Variants in IDUA observed in about 807,000 individuals in gnomAD.
IDUA encodes alpha-L-iduronidase.
IDUA carries 65 observed loss-of-function variants against 68.9 expected under a neutral mutation model. The observed-to-expected ratio is 0.94, with a 90% CI of 0.77 to 1.16. The LOEUF is 1.16. IDUA is among the 50% of genes most tolerant of loss of function. The pLI is 0.00. For missense variants in IDUA, 1,046 were observed against 938.0 expected (o/e 1.12, Z -1.50); for synonymous variants, 529 against 433.6 (o/e 1.22, Z -2.73).
intron 10 of IDUA, 39 bp from the exon 11 acceptor site, chr4:1,003,306 C>T: frequency 7.1e-7 from 1 of 1,406,244 alleles, no homozygotes; most frequent in Non-Finnish European, 9.2e-7. Flanking sequence ...GCGTCCCCAG[C>T]TCCCCTGGAG....
rs1188900288 is a variant in IDUA at position 1,002,845 on chromosome 4, C to T, written c.1303C>T (p.Arg435Cys). The change falls in exon 9 of 14, where the codon CGC becomes TGC. Residue 435 changes from arginine to cysteine, a missense_variant. Transcript: ENST00000514224. The stretch of plus-strand genomic sequence containing the variant: ...CCCCCAGGGCCCGGCCGACGCCTGG[C>T]GCGCCGCGGTGCTGATCTACGCGAG... Reference protein sequence around the residue: ...HRPQGPADAWRAAVLIYASDD... With the variant: ...HRPQGPADAWCAAVLIYASDD... 1 of 1,453,266 alleles carries T rather than the reference C, an allele frequency of 6.9e-7. No homozygotes were observed. The allele number at this position is 1,453,266 out of a possible 1,614,324, so 90.0% of individuals were successfully genotyped here.
Position 1,004,225 on chromosome 4 carries a change from G to A in IDUA, c.1829-35G>A. On this transcript the variant is annotated intron_variant, in intron 13 of 13. Transcript: ENST00000514224. This position sits in a 1 kb window ranked among gnomAD's most constrained non-coding sequence, Gnocchi z 5.0. ...GTCAGGGGGCTTTCGGGTGGGGGCA[G>A]GTTCCGGTTGGCACACATGTCCCCT... The A allele has an allele frequency of 6.2e-7, 1 of 1,609,644 alleles. No individual in the cohort carries two copies. Among genetic ancestry groups the A allele is most frequent in the South Asian group, 1.1e-5 (1 of 91,074 alleles).
intron 2 of IDUA, chr4:989,326 C>G: frequency 1.2e-6 from 2 of 1,608,798 alleles, no homozygotes; most frequent in African/African-American, 1.3e-5. Context: ...GCGGAACACC[C>G]GCACGCCGGG....
chr4:989,988 C>T lies in IDUA; in HGVS notation c.299+2039C>T, dbSNP rs753977507. On this transcript the variant is annotated intron_variant, in intron 2 of 13. Coordinates refer to ENST00000514224, the MANE Select transcript of IDUA (RefSeq NM_000203.5). The stretch of plus-strand genomic sequence containing the variant: ...CCGTGGGGATGTCGCCAGCCACGCT[C>T]GAGCCAAAGCGCTTGTGGAGCTGCC... 35 of 1,561,456 alleles carry T rather than the reference C, an allele frequency of 2.2e-5. No individual in the cohort carries two copies. Among genetic ancestry groups the T allele is most frequent in the Middle Eastern group, 1.7e-4 (1 of 6,018 alleles).
Position 1,002,376 on chromosome 4 carries a change from C to G in IDUA, c.1080C>G (p.Phe360Leu), listed in dbSNP as rs1715144134. ...TCCTGAGCTACCACCCGCACCCCTT[C>G]GCGCAGCGCACGCTCACCGCGCGCT... ...NAFLSYHPHP[F>L]AQRTLTARFQ... Residue 360 changes from phenylalanine to leucine, a missense_variant, in exon 8 of 14, where the codon TTC (phenylalanine) becomes TTG (leucine). Physicochemically the swap from Phe to Leu is conservative, Grantham distance 22 (BLOSUM62 0). Coordinates refer to ENST00000514224, the MANE Select transcript of IDUA (RefSeq NM_000203.5). The G allele has an allele frequency of 6.2e-7, 1 of 1,611,810 alleles. No individual in the cohort carries two copies.
In IDUA at chr4:1,002,377, G is replaced by A. The variant is rs6831280; in HGVS notation, c.1081G>A (p.Ala361Thr). 260,513 of 1,611,054 alleles carry A rather than the reference G, an allele frequency of 0.16. 22,735 individuals are homozygous for A. The highest frequency in any genetic ancestry group is 0.3 in the South Asian group (27,037 of 90,842). The stretch of plus-strand genomic sequence containing the variant: ...CCTGAGCTACCACCCGCACCCCTTC[G>A]CGCAGCGCACGCTCACCGCGCGCTT... Reference protein sequence around the residue: ...AFLSYHPHPFAQRTLTARFQV... With the variant: ...AFLSYHPHPFTQRTLTARFQV... The change falls in exon 8 of 14, where the codon GCG becomes ACG. Residue 361 changes from alanine (A) to threonine (T), a missense_variant. By Grantham distance (58) the Ala-to-Thr change is moderately conservative (BLOSUM62 0). Coordinates refer to ENST00000514224, the MANE Select transcript of IDUA (RefSeq NM_000203.5).
intron 1 of IDUA, 128 bp downstream of exon 1, chr4:987,370 G>GC: frequency 8.4e-6 from 8 of 957,276 alleles, no homozygotes; most frequent in South Asian, 3.5e-5. Flanking sequence ...TCCCGGGCCC[G>GC]CCCCCCGCCG....
chr4:1,003,346 A>G lies in IDUA; in HGVS notation c.1526A>G (p.Asp509Gly). The G allele has an allele frequency of 6.9e-7, 1 of 1,456,236 alleles. No homozygotes were observed. The highest frequency in any genetic ancestry group is 9.0e-7 in the Non-Finnish European group (1 of 1,113,738). The allele number at this position is 1,456,236 out of a possible 1,614,324, so 90.2% of individuals were successfully genotyped here. ...CTGAGGACCGGCCACTGCGCCCAGG[A>G]CCCGGTGGCCGCGGCGCCCCGCCCC... ...EQFRRMRAAE[D>G]PVAAAPRPLP... Residue 509 changes from aspartate to glycine, a missense_variant and splice_region_variant, in exon 11 of 14, where the codon GAC becomes GGC. Asp to Gly is a moderately conservative substitution (Grantham distance 94). Transcript: ENST00000514224.
Position 1,000,633 on chromosome 4 carries a change from G to A in IDUA, c.321G>A (p.Leu107=). ...GCAGGGGGTCCACTGGACGGGGCCT[G>A]AGCTACAACTTCACCCACCTGGACG... ...VTTRGSTGRG[L]SYNFTHLDGY... is the part of the protein sequence containing the mutation. The change falls in exon 3 of 14, where the codon CTG becomes CTA. Residue 107 remains leucine, a synonymous_variant. Coordinates refer to ENST00000514224, the MANE Select transcript of IDUA (RefSeq NM_000203.5). The A allele has an allele frequency of 6.2e-7, 1 of 1,612,774 alleles. No homozygotes were observed. Among genetic ancestry groups the A allele is most frequent in the South Asian group, 1.1e-5 (1 of 91,076 alleles).
chr4:1,002,213 G>A (rs1363182930), intron 7 of IDUA, 52 bp downstream of exon 7: 14 of 1,573,290 alleles, frequency 8.9e-6, no homozygotes, highest in African/African-American at 4.1e-5. Flanking sequence ...CTCCCGAGAC[G>A]GGACAGGCGA....
intron 2 of IDUA, chr4:989,951 G>T: frequency 1.3e-6 from 2 of 1,556,310 alleles, no homozygotes; most frequent in Non-Finnish European, 1.7e-6. Flanking sequence ...GGGACCTGAG[G>T]GGGCATGAAA....
intron 2 of IDUA, chr4:991,790 G>A (rs545058655): frequency 1.3e-6 from 2 of 1,530,958 alleles, no homozygotes; most frequent in African/African-American, 2.7e-5. Context: ...AAACGACAAG[G>A]TCCCCGGCAG....
rs778690293 is a variant in IDUA, at chr4:1,001,662, G to T, written c.590-17G>T. On this transcript the variant is annotated splice_polypyrimidine_tract_variant and intron_variant, in intron 5 of 13. Transcript: ENST00000514224. Reference sequence around the variant, plus strand: ...CATCCCCAGGGCAGGTGTAGACGCAGTGCTCCCCCGGCCCAGGCTTCCTGA... The same window carrying T: ...CATCCCCAGGGCAGGTGTAGACGCATTGCTCCCCCGGCCCAGGCTTCCTGA... 1 of 1,603,876 alleles carries T rather than the reference G, an allele frequency of 6.2e-7. No homozygotes were observed. The highest frequency in any genetic ancestry group is 2.2e-5 in the East Asian group (1 of 44,796).
At chr4:989,075 G>C in intron 2 of IDUA, 1 of 1,593,546 alleles carries the variant, frequency 6.3e-7, no homozygotes, top group Non-Finnish European at 8.5e-7. Flanking sequence ...GCTGCGTCTA[G>C]GAACAGCAGC....
intron 2 of IDUA, among the ~76,000 whole-genome samples, chr4:994,167 C>T (rs866111686): frequency 3.9e-5 from 6 of 152,156 alleles, no homozygotes; most frequent in Admixed American, 6.5e-5. Context: ...TAGCCAGGCA[C>T]GATGGTTCAC....
intron 2 of IDUA, among the ~76,000 whole-genome samples, chr4:994,349 C>G (rs1478148863): frequency 2.6e-5 from 4 of 151,232 alleles, no homozygotes; most frequent in Admixed American, 6.6e-5. Flanking sequence ...GATCTCGGCT[C>G]ACTGGAAGCT....
intron 2 of IDUA, chr4:988,713 G>A: frequency 1.2e-5 from 17 of 1,418,866 alleles, no homozygotes; most frequent in Non-Finnish European, 1.5e-5. Flanking sequence ...CAGGGCAGCT[G>A]TGGCACAAGA....
Position 989,195 on chromosome 4 carries a change from C to A in IDUA, c.299+1246C>A, listed in dbSNP as rs746086793. The A allele has an allele frequency of 3.1e-6, 5 of 1,607,514 alleles. No individual in the cohort carries two copies. In the South Asian group the frequency reaches 4.4e-5, roughly 14 times the overall value. On this transcript the variant is annotated intron_variant, in intron 2 of 13. Coordinates refer to ENST00000514224, the MANE Select transcript of IDUA (RefSeq NM_000203.5). ...CCCTGGGCAGGGCCTCCCTCACCGA[C>A]CCCCGTCTCTGAGCCCCCCTCCTTC...
chr4:990,548 C>G (rs2153017500), intron 2 of IDUA: 1 of 615,066 alleles, frequency 1.6e-6, no homozygotes, highest in Non-Finnish European at 2.8e-6. Context: ...CGTGCTCATG[C>G]CCGCAGACAA....
Sources: allele counts gnomAD v4.1 joint callset (sites outside exome capture counted in the v4.1 genomes callset), GRCh38; gene constraint gnomAD v4.1.1; non-coding constraint Gnocchi (gnomAD v3.1); transcripts MANE v1.5; gene names NCBI Gene and HGNC (gene_info 2026-07-23, HGNC 2026-07-21).